Variants in APBB1IP observed in about 807,000 individuals in gnomAD.
The protein encoded by APBB1IP is amyloid beta A4 precursor protein-binding family B member 1-interacting protein.
Under a neutral mutation model 64.9 loss-of-function variants are expected in APBB1IP, and 27 were observed. The observed-to-expected ratio is 0.42, with a 90% CI of 0.31 to 0.57. APBB1IP has a LOEUF of 0.57. Ranked by LOEUF, APBB1IP falls within the 20% of genes least tolerant of loss-of-function variation. The pLI, the probability that APBB1IP is intolerant of heterozygous loss-of-function variation, is 0.20. For synonymous variants in APBB1IP, 392 were observed against 331.0 expected, an observed-to-expected ratio of 1.18 and a Z score of -2.00; for missense variants, 812 against 845.5, an observed-to-expected ratio of 0.96 and a Z score of 0.49.
At chr10:26,441,345 G>T (rs1446893985) in intron 2 of APBB1IP, among the ~76,000 whole-genome samples, 1 of 152,088 alleles carries the variant, frequency 6.6e-6, no homozygotes, top group African/African-American at 2.4e-5. Context: ...TAGATATCTG[G>T]AACAGTAATC....
At chr10:26,450,619 TC>T (rs1296062683) in intron 2 of APBB1IP, among the ~76,000 whole-genome samples, 1 of 152,068 alleles carries the variant, frequency 6.6e-6, no homozygotes, top group Non-Finnish European at 1.5e-5. Context: ...TGTGGAACAC[TC>T]CACTATGGCT....
At chr10:26,441,821 C>A (rs1424024788) in intron 2 of APBB1IP, among the ~76,000 whole-genome samples, 1 of 152,204 alleles carries the variant, frequency 6.6e-6, no homozygotes, top group Admixed American at 6.5e-5. Context: ...TCTTTCTTCT[C>A]TGTCAACTCA....
chr10:26,539,017 T>C (rs1836663580), intron 10 of APBB1IP, among the ~76,000 whole-genome samples: 2 of 152,184 alleles, frequency 1.3e-5, no homozygotes, highest in South Asian at 4.1e-4. Flanking sequence ...TAACTGTATA[T>C]CCATTTAGAA....
chr10:26,495,223 G>T, intron 3 of APBB1IP, among the ~76,000 whole-genome samples: 1 of 151,550 alleles, frequency 6.6e-6, no homozygotes, highest in South Asian at 2.1e-4. Context: ...GGCCCACATG[G>T]TCTCTATCTC....
chr10:26,509,354 AG>A (rs1183735540), intron 6 of APBB1IP, among the ~76,000 whole-genome samples: 2 of 152,206 alleles, frequency 1.3e-5, no homozygotes, highest in African/African-American at 4.8e-5. Flanking sequence ...TGGTCCCTGG[AG>A]GAAGAAAGCA....
chr10:26,541,707 G>A lies in APBB1IP; in HGVS notation c.1155+15G>A. On this transcript the variant is annotated intron_variant, in intron 11 of 14. Coordinates refer to ENST00000376236, the MANE Select transcript of APBB1IP (RefSeq NM_019043.4). ...TTGTTTTAAAGGTATGTTATAAGAA[G>A]TCATTCATTTAGATTTATAAGCAAT... 6.6e-7 allele frequency: 1 copy of A among 1,523,922 alleles called. No homozygotes were observed. Among genetic ancestry groups the A allele is most frequent in the Non-Finnish European group, 8.9e-7 (1 of 1,122,378 alleles). 94.4% of individuals were successfully genotyped at this position (1,523,922 alleles called of 1,614,324 possible). A position where few individuals can be genotyped will look rare whatever the true frequency, so the allele number is the denominator to read the frequency against.
chr10:26,551,953 G>A (rs1836836659), intron 11 of APBB1IP, among the ~76,000 whole-genome samples: 1 of 152,070 alleles, frequency 6.6e-6, no homozygotes, highest in Non-Finnish European at 1.5e-5. Context: ...ATGGATGGAT[G>A]GATGGATGGA....
intron 11 of APBB1IP, among the ~76,000 whole-genome samples, chr10:26,556,829 TATAAAC>T (rs1836900460): frequency 6.6e-6 from 1 of 152,182 alleles, no homozygotes; most frequent in Non-Finnish European, 1.5e-5. Flanking sequence ...TAAGAACAAT[TATAAAC>T]ATTCAATTGC....
chr10:26,536,679 C>G (rs764425253), intron 10 of APBB1IP, among the ~76,000 whole-genome samples: 4 of 151,374 alleles, frequency 2.6e-5, no homozygotes, highest in South Asian at 4.2e-4. Context: ...GCAACCTCCA[C>G]CTCCCAGGCT....
chr10:26,503,667 A>G (rs772342437), intron 6 of APBB1IP, among the ~76,000 whole-genome samples: 7 of 152,104 alleles, frequency 4.6e-5, no homozygotes, highest in Admixed American at 1.3e-4. Flanking sequence ...AAGAAAGAAA[A>G]TGTTGTGTGA....
chr10:26,465,764 T>A (rs1447558771), intron 2 of APBB1IP, among the ~76,000 whole-genome samples: 2 of 152,208 alleles, frequency 1.3e-5, no homozygotes, highest in South Asian at 2.1e-4. Context: ...TCTCAGAGCC[T>A]TCATTTCTTC....
In APBB1IP at chr10:26,515,170, T is replaced by C. The variant is rs374918213; in HGVS notation, c.813+1510T>C. On this transcript the variant is annotated intron_variant, in intron 8 of 14. Transcript: ENST00000376236. ...TGCTGGGATTCCAGGTGTGAGCCAC[T>C]GCACCCAGCCCAATGGCATGCTTTA... Among the ~76,000 whole-genome samples the C allele has an allele frequency of 1.1e-4, 16 of 152,082 alleles. No homozygotes were observed. In the South Asian group the frequency reaches 1.2e-3, roughly 12 times the overall value.
At chr10:26,493,990 C>T (rs1835989662) in intron 3 of APBB1IP, among the ~76,000 whole-genome samples, 1 of 152,116 alleles carries the variant, frequency 6.6e-6, no homozygotes, top group African/African-American at 2.4e-5. Flanking sequence ...GTGCACGCCA[C>T]CACACCCAGC....
At chr10:26,545,594 A>G (rs904107375) in intron 11 of APBB1IP, among the ~76,000 whole-genome samples, 8 of 152,090 alleles carry the variant, frequency 5.3e-5, no homozygotes, top group Non-Finnish European at 1.0e-4. Context: ...CCCCGTCTCT[A>G]CTAAAAATAC....
At chr10:26,482,280 C>A (rs1835844285) in intron 2 of APBB1IP, among the ~76,000 whole-genome samples, 1 of 152,194 alleles carries the variant, frequency 6.6e-6, no homozygotes, top group African/African-American at 2.4e-5. Context: ...TAATCCGTAA[C>A]TTTAGAGATG....
At chr10:26,451,924 T>A (rs1396687296) in intron 2 of APBB1IP, among the ~76,000 whole-genome samples, 1 of 152,172 alleles carries the variant, frequency 6.6e-6, no homozygotes, top group East Asian at 1.9e-4. Flanking sequence ...GGATATTAGA[T>A]ATCAATTATC....
chr10:26,455,691 C>CTTT (rs144857853), intron 2 of APBB1IP, among the ~76,000 whole-genome samples: 23 of 150,594 alleles, frequency 1.5e-4, no homozygotes, highest in African/African-American at 5.6e-4. Flanking sequence ...TGGGGGATTT[C>CTTT]TTTTTTTTTG....
At position 26,466,713 on chromosome 10, in the gene APBB1IP, A is replaced by G. The variant is rs536956454; in HGVS notation, c.1-25614A>G. On this transcript the variant is annotated intron_variant, in intron 2 of 14. Transcript: ENST00000376236. ...CTACTCAGGAGGCTGAAATGGGAGG[A>G]TTGCTTGAGGCCAGTGGGTGGAGCC... Among the ~76,000 whole-genome samples the G allele has an allele frequency of 1.1e-4, 16 of 152,296 alleles. No homozygotes were observed. The South Asian group carries it at 3.3e-3, about 32-fold the overall frequency.
At chr10:26,487,501 A>G (rs1220789533) in intron 2 of APBB1IP, among the ~76,000 whole-genome samples, 1 of 152,194 alleles carries the variant, frequency 6.6e-6, no homozygotes, top group Non-Finnish European at 1.5e-5. Flanking sequence ...AAGTTTACTT[A>G]TGACTGTACG....
Sources: gnomAD v4.1 joint callset for allele counts (sites outside exome capture counted in the v4.1 genomes callset) on GRCh38, gnomAD v4.1.1 for gene constraint, MANE v1.5 for transcripts, NCBI Gene and HGNC (gene_info 2026-07-23, HGNC 2026-07-21) for gene names.